Variants in MICU3 observed in about 807,000 individuals in gnomAD.
MICU3 encodes the protein calcium uptake protein 3, mitochondrial.
MICU3 carries 62 observed loss-of-function variants against 66.5 expected under a neutral mutation model. The ratio of observed to expected loss-of-function variants is 0.93; its 90% confidence interval spans 0.76 to 1.15. The LOEUF (loss-of-function observed/expected upper bound fraction) is 1.15. MICU3 is among the 50% of genes most tolerant of loss of function. The pLI is 0.00. For synonymous variants in MICU3, 308 were observed against 240.7 expected (o/e 1.28, Z -2.59); for missense variants, 779 against 664.4 (o/e 1.17, Z -1.90).
rs187173663 is a variant in MICU3 at position 17,087,109 on chromosome 8, A to C, written c.849+74A>C. The C allele has an allele frequency of 3.4e-3, 3,474 of 1,022,786 alleles. 14 individuals carry two copies. The highest frequency in any genetic ancestry group is 6.2e-3 in the Admixed American group (256 of 41,074). 63.4% of individuals were successfully genotyped at this position (1,022,786 alleles called of 1,614,324 possible). A position where few individuals can be genotyped will look rare whatever the true frequency, so the allele number is the denominator to read the frequency against. Reference sequence around the variant, plus strand: ...ATTTTATTCATGTTAAGAAACAATAATTAAAGTTTGTAACTTTGAAGCTGT... The same window carrying C: ...ATTTTATTCATGTTAAGAAACAATACTTAAAGTTTGTAACTTTGAAGCTGT... On this transcript the variant is annotated intron_variant, in intron 7 of 14. Transcript: ENST00000318063.
intron 1 of MICU3, among the ~76,000 whole-genome samples, chr8:17,030,155 C>A (rs951777566): frequency 6.6e-6 from 1 of 152,088 alleles, no homozygotes; most frequent in African/African-American, 2.4e-5. Context: ...TAAATTATAA[C>A]TTTGTTTTGC....
intron 12 of MICU3, among the ~76,000 whole-genome samples, chr8:17,114,746 T>G (rs976306011): frequency 2.6e-5 from 4 of 152,184 alleles, no homozygotes; most frequent in African/African-American, 9.7e-5. Context: ...TTTTTAAAAC[T>G]TCTTGCCCTA....
intron 9 of MICU3, chr8:17,102,324 T>G (rs1022870881): frequency 1.3e-5 from 2 of 151,914 alleles, no homozygotes; most frequent in Non-Finnish European, 2.9e-5. Flanking sequence ...GATAATAAAC[T>G]TATTAAGCTA....
intron 14 of MICU3, among the ~76,000 whole-genome samples, chr8:17,119,560 G>GATAGATAGATAA (rs1208624445): frequency 6.7e-5 from 10 of 150,020 alleles, no homozygotes; most frequent in African/African-American, 2.5e-4. Flanking sequence ...TAGATAGATA[G>GATAGATAGATAA]ATAGATAGAT....
intron 1 of MICU3, among the ~76,000 whole-genome samples, chr8:17,060,330 G>A (rs1385583461): frequency 6.6e-6 from 1 of 151,010 alleles, no homozygotes; most frequent in Non-Finnish European, 1.5e-5. Flanking sequence ...AGAGTCTCGT[G>A]CTGTCGATTA....
rs550497086 is a variant in MICU3, at chr8:17,054,819, A to G, written c.382-9265A>G. ...AGTGGCACGATGTCAGCTCACTGCA[A>G]CCTCTGCCTCCCGGGTTCAAGCGAT... On this transcript the variant is annotated intron_variant, in intron 1 of 14. Coordinates refer to ENST00000318063, the MANE Select transcript of MICU3 (RefSeq NM_181723.3). Among the ~76,000 whole-genome samples the G allele has an allele frequency of 1.2e-3, 175 of 147,802 alleles. 1 individual carries two copies. The highest frequency in any genetic ancestry group is 4.2e-3 in the African/African-American group (169 of 39,798).
At chr8:17,036,286 C>A (rs552156354) in intron 1 of MICU3, among the ~76,000 whole-genome samples, 1 of 152,072 alleles carries the variant, frequency 6.6e-6, no homozygotes, top group African/African-American at 2.4e-5. Flanking sequence ...TGCAGATCTT[C>A]GCTGTGAGTG....
At chr8:17,064,514 A>T (rs1021280207) in intron 2 of MICU3, among the ~76,000 whole-genome samples, 2 of 152,142 alleles carry the variant, frequency 1.3e-5, no homozygotes. Flanking sequence ...CTTCATTCTT[A>T]TATCAAACCT....
intron 1 of MICU3, among the ~76,000 whole-genome samples, chr8:17,036,042 C>T (rs1379559962): frequency 6.6e-6 from 1 of 152,196 alleles, no homozygotes; most frequent in African/African-American, 2.4e-5. Context: ...AAGAATGAAG[C>T]CGCGGACCCT....
In MICU3 at chr8:17,027,253, C is replaced by T. The variant is rs777784151; in HGVS notation, c.-27C>T. 50 of 1,236,810 alleles carry T rather than the reference C, an allele frequency of 4.0e-5. No homozygotes were observed. Among genetic ancestry groups the T allele is most frequent in the Non-Finnish European group, 5.2e-5 (50 of 960,004 alleles). The allele number at this position is 1,236,810 out of a possible 1,614,324, so 76.6% of individuals were successfully genotyped here. A position where few individuals can be genotyped will look rare whatever the true frequency, so the allele number is the denominator to read the frequency against. On this transcript the variant is annotated 5_prime_UTR_variant, in exon 1 of 15. Coordinates refer to ENST00000318063, the MANE Select transcript of MICU3 (RefSeq NM_181723.3). The stretch of plus-strand genomic sequence containing the variant: ...CCGCCCCTCCGTTCTCTGCCCCCTC[C>T]CAGCTCTGGTGTGGGCGGCCTCCGC...
At chr8:17,110,444 C>T (rs1306023023) in intron 11 of MICU3, among the ~76,000 whole-genome samples, 1 of 152,120 alleles carries the variant, frequency 6.6e-6, no homozygotes, top group Non-Finnish European at 1.5e-5. Context: ...CAGTCCCTGG[C>T]AACCATCACT....
chr8:17,094,350 T>C (rs1037731097), intron 8 of MICU3, among the ~76,000 whole-genome samples: 17 of 152,098 alleles, frequency 1.1e-4, no homozygotes, highest in African/African-American at 3.6e-4. Context: ...GTTATGTATT[T>C]ACCATATTAG....
chr8:17,032,218 T>G (rs1812202750), intron 1 of MICU3, among the ~76,000 whole-genome samples: 1 of 152,244 alleles, frequency 6.6e-6, no homozygotes, highest in Non-Finnish European at 1.5e-5. Context: ...GTATTTATTT[T>G]AATTGTGCAA....
In MICU3 at chr8:17,086,914, G is replaced by A. The variant is rs770910666; in HGVS notation, c.778-50G>A. On this transcript the variant is annotated intron_variant, in intron 6 of 14. Coordinates refer to ENST00000318063, the MANE Select transcript of MICU3 (RefSeq NM_181723.3). ...ACCTAGTCCAGAATAGTAGATAGGT[G>A]CCCAGAAACTCTTGTTGGATATTTG... The A allele has an allele frequency of 1.9e-5, 23 of 1,242,756 alleles. 1 individual carries two copies. In the South Asian group the frequency reaches 2.0e-4, roughly 11 times the overall value. 77.0% of individuals were successfully genotyped at this position (1,242,756 alleles called of 1,614,324 possible).
At chr8:17,056,582 C>G (rs1474841354) in intron 1 of MICU3, among the ~76,000 whole-genome samples, 1 of 152,152 alleles carries the variant, frequency 6.6e-6, no homozygotes, top group Non-Finnish European at 1.5e-5. Flanking sequence ...TAATTGCAAC[C>G]TGGTGTGACT....
intron 1 of MICU3, among the ~76,000 whole-genome samples, chr8:17,052,231 A>C (rs532987596): frequency 6.6e-6 from 1 of 152,116 alleles, no homozygotes; most frequent in Non-Finnish European, 1.5e-5. Flanking sequence ...ATCATGATAC[A>C]TAATATTTGT....
At chr8:17,099,013 T>G (rs1476901350) in intron 9 of MICU3, among the ~76,000 whole-genome samples, 1 of 151,612 alleles carries the variant, frequency 6.6e-6, no homozygotes, top group African/African-American at 2.4e-5. Flanking sequence ...GGGAGGAATA[T>G]TTTACCTTGA....
intron 1 of MICU3, among the ~76,000 whole-genome samples, chr8:17,046,253 A>G (rs1243985339): frequency 6.6e-6 from 1 of 152,134 alleles, no homozygotes; most frequent in East Asian, 1.9e-4. Context: ...CTCCAGGTAC[A>G]CAGTGTCAGA....
intron 12 of MICU3, among the ~76,000 whole-genome samples, chr8:17,114,657 A>G (rs1802514558): frequency 6.6e-6 from 1 of 152,174 alleles, no homozygotes; most frequent in African/African-American, 2.4e-5. Context: ...GTCTTTGGCT[A>G]TAGGTGGACT....
Sources: allele counts gnomAD v4.1 joint callset (sites outside exome capture counted in the v4.1 genomes callset), GRCh38; gene constraint gnomAD v4.1.1; transcripts MANE v1.5; gene names NCBI Gene and HGNC (gene_info 2026-07-23, HGNC 2026-07-21).